BEGAIN: variants seen among roughly 807,000 people sequenced by gnomAD.
The protein encoded by BEGAIN is brain enriched guanylate kinase associated, also known as brain-enriched guanylate kinase-associated protein.
Under a neutral mutation model 35.8 loss-of-function variants are expected in BEGAIN, and 19 were observed. The ratio of observed to expected loss-of-function variants is 0.53; its 90% CI spans 0.37 to 0.78. The LOEUF is 0.78. BEGAIN is among the 30% of genes least tolerant of loss of function. The pLI is 0.00. For missense variants in BEGAIN, 795 were observed against 853.6 expected (o/e 0.93, Z 0.85); for synonymous variants, 462 against 388.6 (o/e 1.19, Z -2.22).
intron 1 of BEGAIN, among the ~76,000 whole-genome samples, chr14:100,572,151 C>T (rs928181580): frequency 3.9e-5 from 6 of 152,304 alleles, no homozygotes; most frequent in South Asian, 4.1e-4. Context: ...TGCCCCTGCG[C>T]GGGAGGGCAC....
chr14:100,575,352 G>A (rs1017885804), intron 1 of BEGAIN, among the ~76,000 whole-genome samples: 3 of 152,150 alleles, frequency 2.0e-5, no homozygotes, highest in Non-Finnish European at 4.4e-5. Context: ...GGCTGGCATC[G>A]CTATCTTTAT....
intron 1 of BEGAIN, among the ~76,000 whole-genome samples, chr14:100,574,435 C>T (rs2035158246): frequency 6.6e-6 from 1 of 152,100 alleles, no homozygotes; most frequent in South Asian, 2.1e-4. Flanking sequence ...CCGGTGCCGC[C>T]AGGCTAGGCT....
chr14:100,549,836 G>C (rs1207125671), intron 2 of BEGAIN: 2 of 152,352 alleles, frequency 1.3e-5, no homozygotes, highest in Non-Finnish European at 2.9e-5. Flanking sequence ...GGGTGAAAAG[G>C]TGTCCTGGCA....
At chr14:100,572,299 C>T (rs765636587) in intron 1 of BEGAIN, among the ~76,000 whole-genome samples, 25 of 152,334 alleles carry the variant, frequency 1.6e-4, no homozygotes, top group South Asian at 4.1e-4. Context: ...CCCCATTGCA[C>T]GGCTGCCCAC....
At chr14:100,584,940 G>C (rs1159721248) in intron 1 of BEGAIN, among the ~76,000 whole-genome samples, 1 of 152,014 alleles carries the variant, frequency 6.6e-6, no homozygotes, top group African/African-American at 2.4e-5. Context: ...CCTCCCTTAG[G>C]GGGAGGAGCC....
chr14:100,538,384 G>C lies in BEGAIN; in HGVS notation c.1424C>G (p.Pro475Arg). 2 of 1,517,834 alleles carry C rather than the reference G, an allele frequency of 1.3e-6. No homozygotes were observed. Among genetic ancestry groups the C allele is most frequent in the South Asian group, 2.6e-5 (2 of 76,946 alleles). The allele number at this position is 1,517,834 out of a possible 1,614,324, so 94.0% of individuals were successfully genotyped here. A position where few individuals can be genotyped will look rare whatever the true frequency, so the allele number is the denominator to read the frequency against. ...GGCGCGGCCGTCGGCCTTCTTGCCC[G>C]GGCTGCCCCCGGCCCCGCCGTAGTA... ...ERYYGGAGGS[P>R]GKKADGRASP... Residue 475 changes from proline (P) to arginine (R), a missense_variant, in exon 7 of 7, where the codon CCG becomes CGG. Coordinates refer to ENST00000554140, the MANE Select transcript of BEGAIN (RefSeq NM_001385089.1).
Position 100,568,705 on chromosome 14 carries a change from C to T in BEGAIN, c.43-766G>A, listed in dbSNP as rs1263390326. Among the ~76,000 whole-genome samples the T allele has an allele frequency of 6.6e-6, 1 of 151,778 alleles. No homozygotes were observed. Among genetic ancestry groups the T allele is most frequent in the African/African-American group, 2.4e-5 (1 of 41,368 alleles). On this transcript the variant is annotated intron_variant, in intron 1 of 6. Transcript: ENST00000554140. The surrounding 1 kb of genome is among the most constrained non-coding windows in gnomAD (Gnocchi z 7.5). ...GGGGGACCCACCCGCCGCCGTTAAC[C>T]TTGTGGGCGCGGGCGAGCGACGGGG...
intron 1 of BEGAIN, chr14:100,569,004 C>G (rs1423403094): frequency 6.4e-6 from 6 of 942,652 alleles, no homozygotes; most frequent in Non-Finnish European, 7.6e-6. Flanking sequence ...CCGCCTCCCC[C>G]ACCGCCCCGC....
chr14:100,582,507 T>TTG (rs1399878984), intron 1 of BEGAIN, among the ~76,000 whole-genome samples: 2 of 152,216 alleles, frequency 1.3e-5, no homozygotes, highest in Non-Finnish European at 2.9e-5. Context: ...ATCCGCACAC[T>TTG]TGTGCTCCTA....
intron 2 of BEGAIN, among the ~76,000 whole-genome samples, chr14:100,565,696 C>G (rs145191894): frequency 6.6e-6 from 1 of 152,138 alleles, no homozygotes; most frequent in Non-Finnish European, 1.5e-5. Context: ...CTGTGACCAC[C>G]GTGTGGTCTG....
intron 2 of BEGAIN, among the ~76,000 whole-genome samples, chr14:100,550,204 C>T (rs575698964): frequency 1.6e-4 from 25 of 152,318 alleles, no homozygotes; most frequent in African/African-American, 5.8e-4. Flanking sequence ...ACCGAGAGCC[C>T]CTTCTGGCCA....
intron 4 of BEGAIN, 46 bp from the exon 5 acceptor site, chr14:100,544,011 G>A: frequency 6.9e-7 from 1 of 1,445,790 alleles, no homozygotes; most frequent in Non-Finnish European, 9.5e-7. Flanking sequence ...TTGGCTCCTG[G>A]TGAGCCAACC....
chr14:100,550,274 G>T (rs962837540), intron 2 of BEGAIN: 1 of 395,806 alleles, frequency 2.5e-6, no homozygotes, highest in Non-Finnish European at 4.5e-6. Flanking sequence ...GCTGAGGGCT[G>T]TGAGGCTGTG....
chr14:100,578,462 C>T (rs762731756), intron 1 of BEGAIN, among the ~76,000 whole-genome samples: 20 of 152,338 alleles, frequency 1.3e-4, no homozygotes, highest in Middle Eastern at 3.4e-3. Context: ...CTGCGGGCAG[C>T]CCACAGTCCT....
chr14:100,576,542 A>G (rs778107610), intron 1 of BEGAIN, among the ~76,000 whole-genome samples: 59 of 152,156 alleles, frequency 3.9e-4, no homozygotes, highest in Non-Finnish European at 7.6e-4. Flanking sequence ...GGGTGGCTAC[A>G]GGTTGATATC....
intron 4 of BEGAIN, 22 bp downstream of exon 4, chr14:100,544,977 TG>T (rs1223071455): frequency 6.2e-7 from 1 of 1,605,160 alleles, no homozygotes; most frequent in Non-Finnish European, 8.5e-7. Flanking sequence ...GGTGGGGGAG[TG>T]GGCGCTGCGT....
intron 1 of BEGAIN, among the ~76,000 whole-genome samples, chr14:100,585,227 CCA>C (rs1336385711): frequency 0.011 from 1,326 of 115,634 alleles, 27 homozygotes; most frequent in African/African-American, 0.043. Flanking sequence ...ATCCATCCAT[CCA>C]TCCCTCCCTC....
intron 1 of BEGAIN, among the ~76,000 whole-genome samples, chr14:100,585,432 CCATCCATCCATCCATCCATCCATCCATT>C (rs2035423319): frequency 1.5e-5 from 2 of 132,038 alleles, no homozygotes; most frequent in East Asian, 4.7e-4. Context: ...ATCCATCCAT[CCATCCATCCATCCATCCATCCATCCATT>C]CATCCATCCA....
In BEGAIN at chr14:100,567,774, T is replaced by G; in HGVS notation, c.71+137A>C. 1 of 824,748 alleles carries G rather than the reference T, an allele frequency of 1.2e-6. No individual in the cohort carries two copies. Among genetic ancestry groups the G allele is most frequent in the Non-Finnish European group, 1.6e-6 (1 of 606,092 alleles). The allele number at this position is 824,748 out of a possible 1,614,324, so 51.1% of individuals were successfully genotyped here. A position where few individuals can be genotyped will look rare whatever the true frequency, so the allele number is the denominator to read the frequency against. On this transcript the variant is annotated intron_variant, in intron 2 of 6. Transcript: ENST00000554140. This position sits in a 1 kb window ranked among gnomAD's most constrained non-coding sequence, Gnocchi z 5.1. ...CACACACGCACCACACACACGCACC[T>G]GGCCCGCAGCCCCGCCGAGGCCGCC...
Sources: gnomAD v4.1 joint callset for allele counts (sites outside exome capture counted in the v4.1 genomes callset) on GRCh38, gnomAD v4.1.1 for gene constraint, Gnocchi (gnomAD v3.1) non-coding constraint, MANE v1.5 for transcripts, NCBI Gene and HGNC (gene_info 2026-07-23, HGNC 2026-07-21) for gene names.